Variants in DNAH1 observed in about 807,000 individuals in gnomAD.
DNAH1 encodes axonemal beta dynein heavy chain 1.
In DNAH1, 327 loss-of-function variants were observed where a neutral mutation model predicts 484.3. The observed-to-expected ratio is 0.68, with a 90% CI of 0.62 to 0.74. The LOEUF is 0.74. DNAH1 is among the 30% of genes least tolerant of loss of function. The pLI is 0.00. For synonymous variants in DNAH1, 2,192 were observed against 2,191.9 expected (o/e 1.00, Z 0.00); for missense variants, 5,052 against 5,546.8 (o/e 0.91, Z 2.83).
chr3:52,377,389 G>T (rs556815018), intron 46 of DNAH1, among the ~76,000 whole-genome samples: 1 of 151,978 alleles, frequency 6.6e-6, no homozygotes, highest in South Asian at 2.1e-4. Context: ...TCACCACCCT[G>T]TCCTTGCCCA....
At chr3:52,397,564 A>G in intron 73 of DNAH1, 143 bp from the exon 74 acceptor site, 1 of 772,304 alleles carries the variant, frequency 1.3e-6, no homozygotes, top group Non-Finnish European at 2.0e-6. Flanking sequence ...CTGGAGTCCC[A>G]AGAGCAGGGA....
chr3:52,395,082 G>T lies in DNAH1; in HGVS notation c.10968+23G>T. On this transcript the variant is annotated intron_variant, in intron 68 of 77. Transcript: ENST00000420323. The surrounding 1 kb of genome is among the most constrained non-coding windows in gnomAD (Gnocchi z 4.4). Reference sequence around the variant, plus strand: ...CAGGCAAGTGCTGGAACCCTGGCAGGACTGGCACCTTGAGCTTGTCCCCAC... The same window carrying T: ...CAGGCAAGTGCTGGAACCCTGGCAGTACTGGCACCTTGAGCTTGTCCCCAC... 6.3e-7 allele frequency: 1 copy of T among 1,598,774 alleles called. No homozygotes were observed. The highest frequency in any genetic ancestry group is 2.3e-5 in the East Asian group (1 of 44,198).
At position 52,399,186 on chromosome 3, in the gene DNAH1, C is replaced by G. The variant is rs1374164718; in HGVS notation, c.12426C>G (p.Ile4142Met). 4.4e-6 allele frequency: 7 copies of G among 1,609,122 alleles called. No homozygotes were observed. Among genetic ancestry groups the G allele is most frequent in the Non-Finnish European group, 5.9e-6 (7 of 1,176,916 alleles). ...AATTTGTCATCTCCATTGACACCAT[C>G]TCCTTTGATTTCAAGGTCTGGGCAC... ...ARKFVISIDT[I>M]SFDFKVMFEA... is the part of the protein sequence containing the mutation. Residue 4142 changes from isoleucine (I) to methionine (M), a missense_variant, in exon 76 of 78, where the codon ATC becomes ATG. Around this residue, in one of 4 missense-constraint regions of DNAH1, gnomAD observed 853 missense variants for 899.0 expected, o/e 0.95. Transcript: ENST00000420323.
intron 8 of DNAH1, among the ~76,000 whole-genome samples, chr3:52,340,522 C>T (rs1411780810): frequency 6.6e-6 from 1 of 151,760 alleles, no homozygotes; most frequent in East Asian, 1.9e-4. Flanking sequence ...GCAACCTCTG[C>T]CCTCTGTGTT....
chr3:52,318,808 T>G (rs748047877), intron 1 of DNAH1, among the ~76,000 whole-genome samples: 1 of 152,206 alleles, frequency 6.6e-6, no homozygotes, highest in African/African-American at 2.4e-5. Flanking sequence ...ATTCATGGTG[T>G]TGTTTGCCTG....
chr3:52,327,891 A>T lies in DNAH1; in HGVS notation c.748A>T (p.Asn250Tyr), dbSNP rs1701407618. 2 of 1,613,412 alleles carry T rather than the reference A, an allele frequency of 1.2e-6. No homozygotes were observed. The highest frequency in any genetic ancestry group is 1.7e-5 in the Admixed American group (1 of 59,990). The part of the protein sequence containing the change: ...PIYLPLKVFD[N>Y]EDFDCRTPRE... The stretch of plus-strand genomic sequence containing the variant: ...GCCTGCTTTCTTCCAGGTATTTGAC[A>T]ATGAGGACTTTGACTGCCGGACTCC... Residue 250 changes from asparagine (N) to tyrosine (Y), a missense_variant, in exon 6 of 78, where the codon AAT (asparagine) becomes TAT (tyrosine). By Grantham distance (143) the Asn-to-Tyr change is moderately radical (BLOSUM62 -2). Coordinates refer to ENST00000420323, the MANE Select transcript of DNAH1 (RefSeq NM_015512.5).
At chr3:52,393,196 C>A in intron 65 of DNAH1, 138 bp from the exon 66 acceptor site, 1 of 1,467,864 alleles carries the variant, frequency 6.8e-7, no homozygotes, top group Non-Finnish European at 9.3e-7. Flanking sequence ...CGAGCCCCTT[C>A]ACTGGGAACA....
At chr3:52,335,141 G>A (rs1701692892) in intron 8 of DNAH1, among the ~76,000 whole-genome samples, 1 of 131,228 alleles carries the variant, frequency 7.6e-6, no homozygotes, top group South Asian at 2.4e-4. Context: ...AACAAAAAAA[G>A]CAATGTGTGA....
intron 77 of DNAH1, 64 bp downstream of exon 77, chr3:52,399,843 C>G: frequency 1.3e-6 from 2 of 1,496,744 alleles, no homozygotes; most frequent in East Asian, 4.5e-5. Flanking sequence ...CAGCCCAGCC[C>G]AAGCCAGTCA....
At chr3:52,393,168 A>C in intron 65 of DNAH1, 143 bp downstream of exon 65, 1 of 1,416,772 alleles carries the variant, frequency 7.1e-7, no homozygotes, top group Non-Finnish European at 9.7e-7. Context: ...GAATGCACAC[A>C]GCACGCCTAC....
rs419050 is a variant in DNAH1, at chr3:52,392,868, C to T, written c.10317C>T (p.Ile3439=). 0.045 allele frequency: 71,818 copies of T among 1,608,620 alleles called. 1,787 individuals carry two copies. The highest frequency in any genetic ancestry group is 0.05 in the Non-Finnish European group (59,114 of 1,177,932). ...VRIAEQTEKD[I]DLTRMEYIPV... The stretch of plus-strand genomic sequence containing the variant: ...TTGCAGAGCAGACGGAGAAGGACAT[C>T]GACCTGACGCGCATGGAGTACATAC... Residue 3439 remains isoleucine (I), a synonymous_variant, in exon 65 of 78, where the codon ATC becomes ATT. Coordinates refer to ENST00000420323, the MANE Select transcript of DNAH1 (RefSeq NM_015512.5).
chr3:52,388,767 C>T (rs757521109), intron 58 of DNAH1, 39 bp from the exon 59 acceptor site: 5 of 1,610,660 alleles, frequency 3.1e-6, no homozygotes, highest in South Asian at 1.1e-5. Context: ...GCCCCTAGCC[C>T]AGCCTCCCAG....
intron 37 of DNAH1, among the ~76,000 whole-genome samples, chr3:52,369,470 G>C (rs932061052): frequency 3.9e-5 from 6 of 152,182 alleles, no homozygotes; most frequent in African/African-American, 1.4e-4. Flanking sequence ...GCAAATACCT[G>C]GCAGTCAATG....
At position 52,352,674 on chromosome 3, in the gene DNAH1, C is replaced by T. The variant is rs1346416075; in HGVS notation, c.2994C>T (p.Asn998=). The change falls in exon 18 of 78, where the codon AAC becomes AAT. Residue 998 remains asparagine (N), a synonymous_variant. Transcript: ENST00000420323. ...AGCAGCTGGCCATGCTCTACAACAA[C>T]CGCGAGCGCATCTTCAGCTTGCCCA... The part of the protein sequence containing the change: ...DCQQLAMLYN[N]RERIFSLPIT... The T allele has an allele frequency of 1.2e-6, 2 of 1,612,974 alleles. No homozygotes were observed. Among genetic ancestry groups the T allele is most frequent in the Non-Finnish European group, 1.7e-6 (2 of 1,179,542 alleles).
chr3:52,366,061 A>C (rs777538033), intron 34 of DNAH1, among the ~76,000 whole-genome samples: 1 of 152,234 alleles, frequency 6.6e-6, no homozygotes, highest in Non-Finnish European at 1.5e-5. Context: ...ATAGCTCCCA[A>C]CTGACCCTAG....
chr3:52,397,494 T>C (rs761787124), intron 73 of DNAH1, among the ~76,000 whole-genome samples: 1 of 152,110 alleles, frequency 6.6e-6, no homozygotes, highest in Non-Finnish European at 1.5e-5. Context: ...AGGGAATGGA[T>C]GGCAGTAACA....
At chr3:52,326,048 C>A in intron 3 of DNAH1, 92 bp from the exon 4 acceptor site, 1 of 1,298,180 alleles carries the variant, frequency 7.7e-7, no homozygotes, top group Non-Finnish European at 1.0e-6. Context: ...CCAAAGCATA[C>A]TACCTGGTTG....
Position 52,393,335 on chromosome 3 carries a change from C to A in DNAH1, c.10476C>A (p.Asp3492Glu), listed in dbSNP as rs768291035. The change falls in exon 66 of 78, where the codon GAC becomes GAA. Residue 3492 changes from aspartate (D) to glutamate (E), a missense_variant and splice_region_variant. This residue lies in a region of DNAH1 where 2,929 missense variants were observed against 3,409.4 expected (regional missense o/e 0.86). Transcript: ENST00000420323. ...LSGIANSERA[D>E]NLKKRISNIN... is the part of the protein sequence containing the mutation. Reference sequence around the variant, plus strand: ...TGCCATCACTTCTCCACTCCACAGACAACCTGAAGAAGCGCATCTCCAACA... The same window carrying A: ...TGCCATCACTTCTCCACTCCACAGAAAACCTGAAGAAGCGCATCTCCAACA... The A allele has an allele frequency of 1.2e-6, 2 of 1,613,968 alleles. No homozygotes were observed. The highest frequency in any genetic ancestry group is 1.7e-6 in the Non-Finnish European group (2 of 1,179,838).
rs1389029789 is a variant in DNAH1 at position 52,379,365 on chromosome 3, A to G, written c.7378-540A>G. ...GGCCTTGTAGCCACGCTTGTAGCCA[A>G]CAAAGTCTACAGAAAAGGCTGGGAG... On this transcript the variant is annotated intron_variant, in intron 47 of 77. Transcript: ENST00000420323. The surrounding 1 kb of genome is among the most constrained non-coding windows in gnomAD (Gnocchi z 4.4). Among the ~76,000 whole-genome samples, 3 of 152,184 alleles carry G rather than the reference A, an allele frequency of 2.0e-5. No individual in the cohort carries two copies. Among genetic ancestry groups the G allele is most frequent in the African/African-American group, 7.2e-5 (3 of 41,430 alleles).
Sources: gnomAD v4.1 joint callset for allele counts (sites outside exome capture counted in the v4.1 genomes callset) on GRCh38, gnomAD v4.1.1 for gene constraint, gnomAD v4.1.1 regional missense constraint, Gnocchi (gnomAD v3.1) non-coding constraint, MANE v1.5 for transcripts, NCBI Gene and HGNC (gene_info 2026-07-23, HGNC 2026-07-21) for gene names.